Variants in TNFSF4 observed in about 807,000 individuals in gnomAD.
TNFSF4 encodes tumor necrosis factor ligand superfamily member 4.
In TNFSF4, 4 loss-of-function variants were observed where a neutral mutation model predicts 7.3. The ratio of observed to expected loss-of-function variants is 0.55; its 90% CI spans 0.27 to 1.25. The LOEUF (loss-of-function observed/expected upper bound fraction) is 1.25. Among genes scored for constraint, TNFSF4 ranks in the 50% most tolerant of loss-of-function variants. The pLI, the probability that TNFSF4 is intolerant of heterozygous loss-of-function variation, is 0.12. For synonymous variants in TNFSF4, 76 were observed against 83.7 expected (o/e 0.91, Z 0.50); for missense variants, 181 against 208.8 (o/e 0.87, Z 0.82).
At chr1:173,285,651 A>G in the TNFSF4 span, among the ~76,000 whole-genome samples, 1 of 152,200 alleles carries the variant, frequency 6.6e-6, no homozygotes, top group Non-Finnish European at 1.5e-5. Context: ...AGCCATCAAC[A>G]TCCAGGCAAG....
chr1:173,202,645 G>C (rs1160578921), intron 1 of TNFSF4, among the ~76,000 whole-genome samples: 1 of 152,098 alleles, frequency 6.6e-6, no homozygotes, highest in Admixed American at 6.6e-5. Flanking sequence ...TAACAATGTT[G>C]GTAATTTTTC....
At chr1:173,316,511 A>ACC in the TNFSF4 span, among the ~76,000 whole-genome samples, 1 of 152,118 alleles carries the variant, frequency 6.6e-6, no homozygotes, top group East Asian at 1.9e-4. Flanking sequence ...CTTGTGAAGT[A>ACC]ACTTCCTGCC....
chr1:173,418,174 G>C, the TNFSF4 span: 1 of 152,206 alleles, frequency 6.6e-6, no homozygotes, highest in African/African-American at 2.4e-5. Context: ...TTCCTCATTA[G>C]GTATTCTCAA....
the TNFSF4 span, among the ~76,000 whole-genome samples, chr1:173,225,642 C>T: frequency 6.6e-6 from 1 of 152,206 alleles, no homozygotes; most frequent in East Asian, 1.9e-4. Context: ...ATGACTATCT[C>T]AGCAAATGCT....
the TNFSF4 span, among the ~76,000 whole-genome samples, chr1:173,426,632 G>A: frequency 6.6e-6 from 1 of 152,044 alleles, no homozygotes; most frequent in Non-Finnish European, 1.5e-5. Context: ...GTCTTGCTCT[G>A]TCACCCAGGC....
At chr1:173,376,299 T>G in the TNFSF4 span, among the ~76,000 whole-genome samples, 1 of 152,164 alleles carries the variant, frequency 6.6e-6, no homozygotes, top group South Asian at 2.1e-4. Context: ...GGGACATGGA[T>G]GAAGCTGGAA....
At chr1:173,327,005 T>G in the TNFSF4 span, among the ~76,000 whole-genome samples, 7 of 151,946 alleles carry the variant, frequency 4.6e-5, no homozygotes, top group Non-Finnish European at 8.8e-5. Flanking sequence ...TTCACAGAAT[T>G]GAAAAAACTA....
chr1:173,389,652 G>A, the TNFSF4 span, among the ~76,000 whole-genome samples: 1 of 152,140 alleles, frequency 6.6e-6, no homozygotes, highest in Non-Finnish European at 1.5e-5. Context: ...CCAAAAAGAT[G>A]TATTCATTTA....
chr1:173,378,698 G>C, the TNFSF4 span, among the ~76,000 whole-genome samples: 1 of 151,972 alleles, frequency 6.6e-6, no homozygotes, highest in Non-Finnish European at 1.5e-5. Context: ...TTTTCATCGA[G>C]GGAGAATACA....
At chr1:173,323,070 G>A in the TNFSF4 span, among the ~76,000 whole-genome samples, 49 of 152,198 alleles carry the variant, frequency 3.2e-4, 1 homozygote, top group Non-Finnish European at 4.4e-4. Context: ...TGAGATCTGA[G>A]AATGGGCAGG....
the TNFSF4 span, among the ~76,000 whole-genome samples, chr1:173,358,611 T>C: frequency 6.6e-6 from 1 of 152,226 alleles, no homozygotes; most frequent in Non-Finnish European, 1.5e-5. Context: ...TGTATTAGAA[T>C]TTCACAGCAG....
At chr1:173,200,398 A>G (rs573207445) in intron 1 of TNFSF4, among the ~76,000 whole-genome samples, 1 of 152,348 alleles carries the variant, frequency 6.6e-6, no homozygotes, top group South Asian at 2.1e-4. Flanking sequence ...TACTGCAAGT[A>G]GTACATTGAA....
At chr1:173,427,256 G>T in the TNFSF4 span, among the ~76,000 whole-genome samples, 3,722 of 152,134 alleles carry the variant, frequency 0.024, 164 homozygotes, top group African/African-American at 0.086. Flanking sequence ...TACAGCTGTG[G>T]TTCTCAACCA....
In TNFSF4 at chr1:173,207,030, A is replaced by G. The variant is rs1468759147; in HGVS notation, c.147T>C (p.Ala49=). The change falls in exon 1 of 3, where the codon GCT becomes GCC. Residue 49 remains alanine (A), a synonymous_variant. Coordinates refer to ENST00000281834, the MANE Select transcript of TNFSF4 (RefSeq NM_003326.5). The part of the protein sequence containing the change: ...CFTYICLHFS[A]LQVSHRYPRI... Reference sequence around the variant, plus strand: ...GCCCAGTGGTGCATCTTACCTGAAGAGCAGAGAAGTGCAGGCAGATGTAGG... The same window carrying G: ...GCCCAGTGGTGCATCTTACCTGAAGGGCAGAGAAGTGCAGGCAGATGTAGG... 2 of 1,611,194 alleles carry G rather than the reference A, an allele frequency of 1.2e-6. No individual in the cohort carries two copies. Among genetic ancestry groups the G allele is most frequent in the Non-Finnish European group, 1.7e-6 (2 of 1,178,310 alleles).
chr1:173,384,673 G>T, the TNFSF4 span, among the ~76,000 whole-genome samples: 1 of 152,064 alleles, frequency 6.6e-6, no homozygotes, highest in Admixed American at 6.6e-5. Flanking sequence ...AGAAAAAAAA[G>T]CGATGAAACA....
At chr1:173,298,428 A>G in the TNFSF4 span, among the ~76,000 whole-genome samples, 3 of 151,900 alleles carry the variant, frequency 2.0e-5, no homozygotes, top group Admixed American at 6.6e-5. Flanking sequence ...TTCTGTTTTC[A>G]ATTTGCTTTA....
the TNFSF4 span, among the ~76,000 whole-genome samples, chr1:173,290,966 C>T: frequency 6.6e-6 from 1 of 152,166 alleles, no homozygotes; most frequent in Non-Finnish European, 1.5e-5. Context: ...AAACAACTTG[C>T]TCCTGAATGA....
At chr1:173,320,150 C>T in the TNFSF4 span, among the ~76,000 whole-genome samples, 7 of 152,346 alleles carry the variant, frequency 4.6e-5, no homozygotes, top group South Asian at 1.2e-3. Context: ...AAGCCAGCTT[C>T]ATCCTTGGGA....
chr1:173,208,326 C>G (rs1650270236), upstream of TNFSF4, among the ~76,000 whole-genome samples: 1 of 152,008 alleles, frequency 6.6e-6, no homozygotes, highest in African/African-American at 2.4e-5. Context: ...TCTTTGTGGC[C>G]AAGTATGTCT....
Sources: gnomAD v4.1 joint callset for allele counts (sites outside exome capture counted in the v4.1 genomes callset) on GRCh38, gnomAD v4.1.1 for gene constraint, MANE v1.5 for transcripts, NCBI Gene and HGNC (gene_info 2026-07-23, HGNC 2026-07-21) for gene names.